TACC2: variants seen among roughly 807,000 people sequenced by gnomAD.
TACC2 encodes the protein transforming acidic coiled-coil-containing protein 2.
Under a neutral mutation model 227.3 loss-of-function variants are expected in TACC2, and 137 were observed. The ratio of observed to expected loss-of-function variants is 0.60; its 90% CI spans 0.52 to 0.69. The LOEUF is 0.69. TACC2 is among the 30% of genes least tolerant of loss of function. TACC2 has a pLI of 0.00. For synonymous variants in TACC2, 1,523 were observed against 1,487.5 expected (o/e 1.02, Z -0.55); for missense variants, 3,470 against 3,694.4 (o/e 0.94, Z 1.57).
At chr10:122,065,498 T>C (rs1334328860) in intron 3 of TACC2, among the ~76,000 whole-genome samples, 1 of 152,246 alleles carries the variant, frequency 6.6e-6, no homozygotes, top group South Asian at 2.1e-4. Flanking sequence ...TAAGATACTT[T>C]GTATAATTTG....
intron 16 of TACC2, among the ~76,000 whole-genome samples, chr10:122,235,518 G>A (rs567597135): frequency 1.3e-5 from 2 of 152,302 alleles, no homozygotes; most frequent in East Asian, 3.9e-4. Flanking sequence ...ACAGGTGTGA[G>A]TGAGCCACCG....
chr10:122,226,539 G>A, intron 13 of TACC2, 58 bp downstream of exon 13: 1 of 1,189,118 alleles, frequency 8.4e-7, no homozygotes, highest in Non-Finnish European at 1.2e-6. Context: ...AAGCCTCTGA[G>A]CACCTTCATG....
At chr10:122,033,882 G>C (rs2461212) in intron 2 of TACC2, among the ~76,000 whole-genome samples, 1 of 151,874 alleles carries the variant, frequency 6.6e-6, no homozygotes, top group Non-Finnish European at 1.5e-5. Flanking sequence ...CCAAGTGCGG[G>C]GGCTCATGCC....
chr10:122,122,089 C>G (rs1456916900), intron 5 of TACC2, among the ~76,000 whole-genome samples: 1 of 152,224 alleles, frequency 6.6e-6, no homozygotes. Flanking sequence ...GGCGCGGTGG[C>G]TCACGCCTGT....
At chr10:122,235,955 A>G (rs1462114613) in intron 16 of TACC2, among the ~76,000 whole-genome samples, 3 of 152,140 alleles carry the variant, frequency 2.0e-5, no homozygotes, top group African/African-American at 7.2e-5. Flanking sequence ...GGCAGGGGCC[A>G]AGAAACCCAG....
rs907970939 is a variant in TACC2, at chr10:122,192,904, G to T, written c.5835-2136G>T. 10 of 388,932 alleles carry T rather than the reference G, an allele frequency of 2.6e-5. No homozygotes were observed. In the Admixed American group the frequency reaches 2.8e-4, roughly 11 times the overall value. 24.1% of individuals were successfully genotyped at this position (388,932 alleles called of 1,614,324 possible). On this transcript the variant is annotated intron_variant, in intron 7 of 22. Transcript: ENST00000369005. The stretch of plus-strand genomic sequence containing the variant: ...GGCAGCACCCGGGGCAGCACCCAGG[G>T]CTCGCCAGGCTGATCTGAACTCTCA...
Position 122,209,673 on chromosome 10 carries a change from C to T in TACC2, c.5972-724C>T, listed in dbSNP as rs958483500. On this transcript the variant is annotated intron_variant, in intron 8 of 22. Coordinates refer to ENST00000369005, the MANE Select transcript of TACC2 (RefSeq NM_206862.4). The surrounding 1 kb of genome is among the most constrained non-coding windows in gnomAD (Gnocchi z 4.5). Reference sequence around the variant, plus strand: ...TTTTCTCCTTAGCATGTATCACCCTCTGAAATTCTGTACATTGTTTGTTTG... The same window carrying T: ...TTTTCTCCTTAGCATGTATCACCCTTTGAAATTCTGTACATTGTTTGTTTG... Among the ~76,000 whole-genome samples the T allele has an allele frequency of 1.3e-5, 2 of 152,136 alleles. No homozygotes were observed. Among genetic ancestry groups the T allele is most frequent in the African/African-American group, 2.4e-5 (1 of 41,434 alleles).
At chr10:122,173,654 G>T (rs2093581667) in intron 7 of TACC2, among the ~76,000 whole-genome samples, 1 of 152,250 alleles carries the variant, frequency 6.6e-6, no homozygotes, top group African/African-American at 2.4e-5. Context: ...CCTGGGGTCA[G>T]TGGGGAAGAG....
intron 6 of TACC2, 112 bp downstream of exon 6, chr10:122,132,846 C>G (rs1260211529): frequency 3.5e-6 from 4 of 1,127,330 alleles, no homozygotes; most frequent in South Asian, 1.4e-5. Context: ...CCTGCAGTTT[C>G]ACCCCCTCTG....
At chr10:122,235,661 A>G (rs2095843689) in intron 16 of TACC2, among the ~76,000 whole-genome samples, 1 of 152,166 alleles carries the variant, frequency 6.6e-6, no homozygotes, top group Non-Finnish European at 1.5e-5. Context: ...CAGAACTGTG[A>G]AACCCATTTT....
Position 122,087,363 on chromosome 10 carries a change from A to G in TACC2, c.4863A>G (p.Thr1621=). 1 of 1,614,052 alleles carries G rather than the reference A, an allele frequency of 6.2e-7. No homozygotes were observed. ...ATGGTCCCGGGGACTTTGCTCACAC[A>G]GGGGTTCCAGGACATGTGCCAAGGT... The part of the protein sequence containing the change: ...GEDGPGDFAH[T]GVPGHVPRST... The change falls in exon 4 of 23, where the codon ACA becomes ACG. Residue 1621 remains threonine (T), a synonymous_variant. Transcript: ENST00000369005.
Position 122,254,223 on chromosome 10 carries a change from A to C in TACC2, c.*167A>C. 1 of 702,270 alleles carries C rather than the reference A, an allele frequency of 1.4e-6. No individual in the cohort carries two copies. Among genetic ancestry groups the C allele is most frequent in the Non-Finnish European group, 2.6e-6 (1 of 384,766 alleles). 43.5% of individuals were successfully genotyped at this position (702,270 alleles called of 1,614,324 possible). On this transcript the variant is annotated 3_prime_UTR_variant, in exon 23 of 23. Coordinates refer to ENST00000369005, the MANE Select transcript of TACC2 (RefSeq NM_206862.4). ...GATTGTATGCAGTACTAAGGAGACTATCAGAATTTCTTGCTATTGGTTTGC... is the reference window on the plus strand; with the variant it reads ...GATTGTATGCAGTACTAAGGAGACTCTCAGAATTTCTTGCTATTGGTTTGC...
At chr10:122,175,976 G>C (rs1340307419) in intron 7 of TACC2, among the ~76,000 whole-genome samples, 1 of 152,070 alleles carries the variant, frequency 6.6e-6, no homozygotes, top group Non-Finnish European at 1.5e-5. Flanking sequence ...AGTTGCTTGG[G>C]AGGCTGAGGT....
intron 7 of TACC2, among the ~76,000 whole-genome samples, chr10:122,176,117 C>CTCTCTCTCTCTCTATATA (rs1447382017): frequency 5.5e-5 from 3 of 54,656 alleles, no homozygotes; most frequent in Middle Eastern, 0.014. Flanking sequence ...CTCTCTCTCT[C>CTCTCTCTCTCTCTATATA]TATATATATA....
intron 7 of TACC2, among the ~76,000 whole-genome samples, chr10:122,193,975 T>C (rs2094489442): frequency 6.6e-6 from 1 of 152,208 alleles, no homozygotes; most frequent in Non-Finnish European, 1.5e-5. Flanking sequence ...TGGGATGCAC[T>C]GGCACAGTCA....
chr10:122,254,002 A>T lies in TACC2; in HGVS notation c.8793A>T (p.Ile2931=). Residue 2931 remains isoleucine (I), a synonymous_variant, in exon 23 of 23, where the codon ATA becomes ATT. Coordinates refer to ENST00000369005, the MANE Select transcript of TACC2 (RefSeq NM_206862.4). ...ERTLEQKNKE[I]EELTKICDEL... ...GTCTTCACTTGCAGAATAAAGAAATAGAAGAACTCACCAAGATTTGTGACG... is the reference window on the plus strand; with the variant it reads ...GTCTTCACTTGCAGAATAAAGAAATTGAAGAACTCACCAAGATTTGTGACG... 6.2e-7 allele frequency: 1 copy of T among 1,614,076 alleles called. No homozygotes were observed. Among genetic ancestry groups the T allele is most frequent in the Non-Finnish European group, 8.5e-7 (1 of 1,179,916 alleles).
intron 5 of TACC2, 35 bp downstream of exon 5, chr10:122,088,626 A>G: frequency 6.3e-7 from 1 of 1,599,746 alleles, no homozygotes; most frequent in Non-Finnish European, 8.5e-7. Context: ...GAAGGCCATG[A>G]TGCCTTCCTT....
chr10:122,135,322 T>C (rs994975758), intron 6 of TACC2, among the ~76,000 whole-genome samples: 1 of 152,154 alleles, frequency 6.6e-6, no homozygotes, highest in African/African-American at 2.4e-5. Flanking sequence ...TGCAGCTGTG[T>C]TACCTACAAC....
intron 7 of TACC2, chr10:122,163,427 C>A (rs1324857941): frequency 6.4e-6 from 2 of 314,792 alleles, no homozygotes; most frequent in African/African-American, 2.3e-5. Context: ...CTACACAATG[C>A]GGGCGGTCCC....
Sources: allele counts gnomAD v4.1 joint callset (sites outside exome capture counted in the v4.1 genomes callset), GRCh38; gene constraint gnomAD v4.1.1; non-coding constraint Gnocchi (gnomAD v3.1); transcripts MANE v1.5; gene names NCBI Gene and HGNC (gene_info 2026-07-23, HGNC 2026-07-21).